SRGAP3: variants seen among roughly 807,000 people sequenced by gnomAD.
The protein encoded by SRGAP3 is SLIT-ROBO Rho GTPase activating protein 3.
SRGAP3 carries 39 observed loss-of-function variants against 121.1 expected under a neutral mutation model. The observed-to-expected ratio is 0.32, with a 90% CI of 0.25 to 0.42. The LOEUF (loss-of-function observed/expected upper bound fraction) is 0.42, where lower values mean the gene tolerates loss of function less well. Ranked by LOEUF, SRGAP3 falls within the 10% of genes least tolerant of loss-of-function variation. The pLI is 1.00. For missense variants in SRGAP3, 1,213 were observed against 1,470.6 expected (o/e 0.82, Z 2.86); for synonymous variants, 601 against 570.0 (o/e 1.05, Z -0.77).
intron 2 of SRGAP3, among the ~76,000 whole-genome samples, chr3:9,110,191 G>A (rs1948565827): frequency 6.6e-6 from 1 of 152,062 alleles, no homozygotes; most frequent in Non-Finnish European, 1.5e-5. Flanking sequence ...GCTGGAAGTT[G>A]AGAGAGAGCA....
At chr3:9,315,919 C>T (rs1433161751) in intron 3 of SRGAP3, among the ~76,000 whole-genome samples, 1 of 152,130 alleles carries the variant, frequency 6.6e-6, no homozygotes, top group Non-Finnish European at 1.5e-5. Flanking sequence ...TTATAAAAAC[C>T]CATCTCAATA....
intron 3 of SRGAP3, among the ~76,000 whole-genome samples, chr3:9,324,743 G>A (rs1233960169): frequency 6.6e-6 from 1 of 151,764 alleles, no homozygotes; most frequent in Non-Finnish European, 1.5e-5. Flanking sequence ...AGATCACGAG[G>A]TCAGGAGATC....
chr3:9,174,855 A>G (rs1951119404), intron 1 of SRGAP3, among the ~76,000 whole-genome samples: 1 of 152,230 alleles, frequency 6.6e-6, no homozygotes, highest in Non-Finnish European at 1.5e-5. Flanking sequence ...TGAGGGCAGC[A>G]GAAAGCAAGT....
intron 1 of SRGAP3, among the ~76,000 whole-genome samples, chr3:9,358,320 T>A (rs1411586110): frequency 6.6e-6 from 1 of 152,092 alleles, no homozygotes; most frequent in Admixed American, 6.6e-5. Flanking sequence ...TTCATATGAA[T>A]AAAATCATGT....
chr3:9,011,814 T>C (rs200397187), intron 17 of SRGAP3, among the ~76,000 whole-genome samples: 2 of 150,634 alleles, frequency 1.3e-5, no homozygotes, highest in Non-Finnish European at 3.0e-5. Context: ...TCTCCTTTTT[T>C]GGTTTTGAAG....
intron 11 of SRGAP3, chr3:9,034,647 G>A (rs893357966): frequency 6.6e-6 from 1 of 152,172 alleles, no homozygotes; most frequent in African/African-American, 2.4e-5. Context: ...AGAAACAACA[G>A]GCAAGATTCT....
intron 1 of SRGAP3, among the ~76,000 whole-genome samples, chr3:9,354,488 G>A (rs2030378634): frequency 6.6e-6 from 1 of 151,996 alleles, no homozygotes; most frequent in Admixed American, 6.6e-5. Flanking sequence ...AACCATCCTG[G>A]CTAACACGGT....
At chr3:9,230,878 A>T (rs1953186163) in intron 1 of SRGAP3, among the ~76,000 whole-genome samples, 1 of 118,930 alleles carries the variant, frequency 8.4e-6, no homozygotes, top group Non-Finnish European at 2.0e-5. Context: ...AAAAGAAAAG[A>T]AAAGAAAAGA....
At chr3:9,234,943 A>G (rs1953353226) in intron 1 of SRGAP3, among the ~76,000 whole-genome samples, 1 of 152,208 alleles carries the variant, frequency 6.6e-6, no homozygotes, top group Admixed American at 6.5e-5. Flanking sequence ...CAACAGGGAA[A>G]TAAGACTGTC....
intron 1 of SRGAP3, among the ~76,000 whole-genome samples, chr3:9,231,826 C>G (rs934567115): frequency 6.6e-6 from 1 of 152,172 alleles, no homozygotes. Context: ...TTGATCCTCA[C>G]AGCAACCACC....
rs535488860 is a variant in SRGAP3, at chr3:9,309,167, G to GT, written n.442+16842dup. On this transcript the variant is annotated intron_variant and non_coding_transcript_variant, in intron 3 of 3. Coordinates refer to the SRGAP3 transcript ENST00000490889. ...ACTGAATGATGAGAAACCATGTGGG[G>GT]TGAGACCCAGCCCTCCTAGCATCCT... Among the ~76,000 whole-genome samples the GT allele has an allele frequency of 2.3e-3, 348 of 152,308 alleles. 2 individuals carry two copies. Among genetic ancestry groups the GT allele is most frequent in the African/African-American group, 8.0e-3 (331 of 41,568 alleles).
At chr3:9,147,287 G>A (rs1441407661) in intron 1 of SRGAP3, among the ~76,000 whole-genome samples, 1 of 152,214 alleles carries the variant, frequency 6.6e-6, no homozygotes, top group African/African-American at 2.4e-5. Flanking sequence ...AGAATATGGG[G>A]TTGTGGCAGC....
chr3:9,069,810 G>C (rs1291059687), intron 4 of SRGAP3, among the ~76,000 whole-genome samples: 1 of 152,190 alleles, frequency 6.6e-6, no homozygotes, highest in Non-Finnish European at 1.5e-5. Flanking sequence ...AGCCAGGCGT[G>C]GTGGTGGGCC....
chr3:9,095,695 C>T (rs892169694), intron 3 of SRGAP3, among the ~76,000 whole-genome samples: 2 of 152,172 alleles, frequency 1.3e-5, no homozygotes, highest in Non-Finnish European at 2.9e-5. Context: ...TTGTCTAGCC[C>T]TGCTCTAGTA....
intron 12 of SRGAP3, 40 bp downstream of exon 12, chr3:9,032,610 T>G: frequency 1.9e-6 from 3 of 1,574,488 alleles, no homozygotes; most frequent in Non-Finnish European, 2.6e-6. Context: ...TGCCATTACA[T>G]TGGGTGCATT....
rs552541239 is a variant in SRGAP3, at chr3:9,222,962, GC to G, written c.67+25922del. Among the ~76,000 whole-genome samples the G allele has an allele frequency of 9.8e-5, 15 of 152,348 alleles. No homozygotes were observed. The East Asian group carries it at 2.9e-3, about 29-fold the overall frequency. The stretch of plus-strand genomic sequence containing the variant: ...TCACATACCCTGAGCAAGATATTCA[GC>G]CTCTGAGCCACACTCCACAAGACAT... On this transcript the variant is annotated intron_variant, in intron 1 of 21. Coordinates refer to ENST00000383836, the MANE Select transcript of SRGAP3 (RefSeq NM_014850.4).
chr3:9,023,972 G>T (rs1484286871), intron 14 of SRGAP3, among the ~76,000 whole-genome samples: 4 of 152,192 alleles, frequency 2.6e-5, no homozygotes, highest in Admixed American at 6.5e-5. Flanking sequence ...GCTGCAGAAT[G>T]CTTCCTCCAC....
At chr3:9,056,381 A>G (rs1574991150) in intron 7 of SRGAP3, 47 bp from the exon 8 acceptor site, 1 of 1,585,900 alleles carries the variant, frequency 6.3e-7, no homozygotes, top group Non-Finnish European at 8.6e-7. Context: ...TGCCCTCCTC[A>G]CCTGTGTGGA....
chr3:8,985,975 G>A lies in SRGAP3; in HGVS notation c.2887-43C>T. ...TGGGGTCAGCACAGTCTGGAGACCT[G>A]GAGTCAGGTCCTTCCTGTCTGCTAA... On this transcript the variant is annotated intron_variant, in intron 21 of 21. Transcript: ENST00000383836. The surrounding 1 kb of genome is among the most constrained non-coding windows in gnomAD (Gnocchi z 5.1). 6.3e-7 allele frequency: 1 copy of A among 1,599,412 alleles called. No individual in the cohort carries two copies. The highest frequency in any genetic ancestry group is 2.2e-5 in the East Asian group (1 of 44,884).
Sources: gnomAD v4.1 joint callset for allele counts (sites outside exome capture counted in the v4.1 genomes callset) on GRCh38, gnomAD v4.1.1 for gene constraint, Gnocchi (gnomAD v3.1) non-coding constraint, MANE v1.5 for transcripts, NCBI Gene and HGNC (gene_info 2026-07-23, HGNC 2026-07-21) for gene names.